The following LRRTM4 variants were observed in gnomAD, a reference collection of about 807,000 sequenced individuals.
The protein encoded by LRRTM4 is leucine-rich repeat transmembrane neuronal protein 4.
Under a neutral mutation model 47.6 loss-of-function variants are expected in LRRTM4, and 25 were observed. The ratio of observed to expected loss-of-function variants is 0.53; its 90% CI spans 0.38 to 0.73. LRRTM4 has a LOEUF of 0.73. LRRTM4 is among the 30% of genes least tolerant of loss of function. The pLI, the probability that LRRTM4 is intolerant of heterozygous loss-of-function variation, is 0.00. For missense variants in LRRTM4, 638 were observed against 713.4 expected, an observed-to-expected ratio of 0.89 and a Z score of 1.20; for synonymous variants, 311 against 269.5, an observed-to-expected ratio of 1.15 and a Z score of -1.51.
At chr2:77,221,789 C>G (rs1201774332) in intron 3 of LRRTM4, among the ~76,000 whole-genome samples, 1 of 152,090 alleles carries the variant, frequency 6.6e-6, no homozygotes, top group African/African-American at 2.4e-5. Context: ...CAACATTAGA[C>G]AGATCAATGA....
At chr2:77,420,732 T>C (rs1009562571) in intron 3 of LRRTM4, among the ~76,000 whole-genome samples, 1 of 148,208 alleles carries the variant, frequency 6.7e-6, no homozygotes, top group Non-Finnish European at 1.5e-5. Flanking sequence ...ATCTGGATGT[T>C]TGAAGTGCTC....
intron 3 of LRRTM4, chr2:77,517,448 C>A: frequency 1.0e-6 from 1 of 984,970 alleles, no homozygotes. Context: ...GACAAACAGT[C>A]CCTGTTATGA....
At chr2:77,099,927 G>C (rs1670908863) in intron 3 of LRRTM4, among the ~76,000 whole-genome samples, 2 of 152,004 alleles carry the variant, frequency 1.3e-5, no homozygotes, top group African/African-American at 2.4e-5. Flanking sequence ...GAAAGTGCAG[G>C]TGTATAACTT....
chr2:77,001,710 G>A (rs572527349), intron 3 of LRRTM4, among the ~76,000 whole-genome samples: 12 of 152,134 alleles, frequency 7.9e-5, no homozygotes, highest in South Asian at 4.1e-4. Flanking sequence ...ACTCAATTGC[G>A]AGAGACACTG....
At chr2:77,342,261 G>A (rs570603528) in intron 3 of LRRTM4, among the ~76,000 whole-genome samples, 1 of 152,060 alleles carries the variant, frequency 6.6e-6, no homozygotes, top group South Asian at 2.1e-4. Context: ...CAACCAGGGT[G>A]GTTTTACCCT....
intron 3 of LRRTM4, among the ~76,000 whole-genome samples, chr2:77,259,928 T>C (rs1193549285): frequency 4.6e-5 from 7 of 152,068 alleles, no homozygotes; most frequent in Non-Finnish European, 7.4e-5. Flanking sequence ...AAGTCATGTC[T>C]CTTCAACTGA....
intron 3 of LRRTM4, among the ~76,000 whole-genome samples, chr2:77,469,442 C>A (rs1245903401): frequency 1.3e-5 from 2 of 152,112 alleles, no homozygotes; most frequent in Non-Finnish European, 2.9e-5. Flanking sequence ...CTAATGTACT[C>A]AAAAATAAGC....
chr2:77,192,856 A>G (rs1442739533), intron 3 of LRRTM4, among the ~76,000 whole-genome samples: 2 of 152,220 alleles, frequency 1.3e-5, no homozygotes, highest in Admixed American at 1.3e-4. Context: ...AAAGAATATC[A>G]CTATTAGCAC....
At chr2:77,421,492 A>G (rs367740030) in intron 3 of LRRTM4, among the ~76,000 whole-genome samples, 48 of 152,130 alleles carry the variant, frequency 3.2e-4, no homozygotes, top group Admixed American at 1.2e-3. Context: ...CGGATCACGA[A>G]GTCAGGAGAT....
chr2:77,477,263 T>C (rs958183791), intron 3 of LRRTM4, among the ~76,000 whole-genome samples: 1 of 152,126 alleles, frequency 6.6e-6, no homozygotes, highest in Non-Finnish European at 1.5e-5. Context: ...GAGTGAGGTA[T>C]ATCTGAAAAA....
At chr2:76,950,043 G>T (rs771230777) in intron 3 of LRRTM4, among the ~76,000 whole-genome samples, 4 of 151,834 alleles carry the variant, frequency 2.6e-5, no homozygotes, top group Non-Finnish European at 5.9e-5. Flanking sequence ...ATGAGTGAGA[G>T]TAGAGGCCAT....
At chr2:76,937,250 T>C (rs374870476) in intron 3 of LRRTM4, among the ~76,000 whole-genome samples, 1 of 152,114 alleles carries the variant, frequency 6.6e-6, no homozygotes, top group African/African-American at 2.4e-5. Context: ...AGGAGGCATA[T>C]GGCAAAAATA....
At chr2:76,797,847 CA>C (rs1204094881) in intron 3 of LRRTM4, among the ~76,000 whole-genome samples, 1 of 151,526 alleles carries the variant, frequency 6.6e-6, no homozygotes, top group African/African-American at 2.4e-5. Flanking sequence ...TTTAAACCAA[CA>C]AAGATCAAAA....
intron 3 of LRRTM4, among the ~76,000 whole-genome samples, chr2:76,927,329 A>G (rs2103823525): frequency 6.6e-6 from 1 of 152,248 alleles, no homozygotes; most frequent in Admixed American, 6.5e-5. Context: ...CTTCCTTATG[A>G]GTTTTAGACC....
intron 3 of LRRTM4, among the ~76,000 whole-genome samples, chr2:77,413,390 G>A (rs1341651394): frequency 6.6e-6 from 1 of 152,050 alleles, no homozygotes; most frequent in East Asian, 1.9e-4. Context: ...ATTAGCTGTA[G>A]CAGTCCCAAC....
At chr2:77,303,019 T>C (rs1218919502) in intron 3 of LRRTM4, among the ~76,000 whole-genome samples, 1 of 142,560 alleles carries the variant, frequency 7.0e-6, no homozygotes, top group South Asian at 2.2e-4. Context: ...ATCTATCTAC[T>C]AATATATATA....
intron 3 of LRRTM4, among the ~76,000 whole-genome samples, chr2:76,862,739 GT>G (rs1173167447): frequency 1.3e-5 from 2 of 152,176 alleles, no homozygotes; most frequent in African/African-American, 4.8e-5. Context: ...ACTGGATTTT[GT>G]TGAATCACAT....
intron 3 of LRRTM4, among the ~76,000 whole-genome samples, chr2:77,420,629 T>C (rs2103880408): frequency 6.6e-6 from 1 of 151,242 alleles, no homozygotes; most frequent in East Asian, 2.0e-4. Flanking sequence ...ATGTGATATA[T>C]ATATATATAT....
intron 3 of LRRTM4, among the ~76,000 whole-genome samples, chr2:76,920,698 G>C (rs970904484): frequency 7.2e-5 from 11 of 152,098 alleles, no homozygotes; most frequent in African/African-American, 2.7e-4. Flanking sequence ...ACAGCAGTAA[G>C]TAAAATGTAG....
Sources: gnomAD v4.1 joint callset for allele counts (sites outside exome capture counted in the v4.1 genomes callset) on GRCh38, gnomAD v4.1.1 for gene constraint, MANE v1.5 for transcripts, NCBI Gene and HGNC (gene_info 2026-07-23, HGNC 2026-07-21) for gene names.